Variants in PTK2B observed in about 807,000 individuals in gnomAD.
The protein encoded by PTK2B is protein tyrosine kinase 2 beta.
A neutral mutation model predicts 142.9 loss-of-function variants in PTK2B; 71 were observed. The observed-to-expected ratio is 0.50, with a 90% CI of 0.41 to 0.61. PTK2B has a LOEUF of 0.61. Among genes scored for constraint, PTK2B ranks in the 20% least tolerant of loss-of-function variants. PTK2B has a pLI of 0.00. For missense variants in PTK2B, 1,105 were observed against 1,320.4 expected (o/e 0.84, Z 2.53); for synonymous variants, 519 against 503.4 (o/e 1.03, Z -0.42).
At chr8:27,450,452 A>G (rs906496370) in intron 24 of PTK2B, among the ~76,000 whole-genome samples, 3 of 152,268 alleles carry the variant, frequency 2.0e-5, no homozygotes, top group African/African-American at 7.2e-5. Flanking sequence ...AGATAATAGT[A>G]GGGCAGTCAC....
intron 1 of PTK2B, among the ~76,000 whole-genome samples, chr8:27,374,313 T>C (rs1490823375): frequency 6.6e-6 from 1 of 152,166 alleles, no homozygotes; most frequent in African/African-American, 2.4e-5. Flanking sequence ...ACTTGGGATC[T>C]GTTTTAATCC....
intron 1 of PTK2B, among the ~76,000 whole-genome samples, chr8:27,365,587 G>T (rs1215683090): frequency 6.6e-6 from 1 of 152,202 alleles, no homozygotes; most frequent in Non-Finnish European, 1.5e-5. Flanking sequence ...CACTGAGAGA[G>T]TTCCTTTAAT....
Position 27,439,014 on chromosome 8 carries a change from T to C in PTK2B, c.1644-17T>C, listed in dbSNP as rs111696777. The C allele has an allele frequency of 3.7e-5, 60 of 1,605,012 alleles. No individual in the cohort carries two copies. The East Asian group carries it at 1.1e-3, about 30-fold the overall frequency. ...GGTGGGCAGTGCCTCATCCTGGTCTTGATGCCCTTCTTCCAGGGACATTGC... is the reference window on the plus strand; with the variant it reads ...GGTGGGCAGTGCCTCATCCTGGTCTCGATGCCCTTCTTCCAGGGACATTGC... On this transcript the variant is annotated splice_polypyrimidine_tract_variant and intron_variant, in intron 18 of 30. Coordinates refer to ENST00000346049, the MANE Select transcript of PTK2B (RefSeq NM_173176.3).
intron 1 of PTK2B, among the ~76,000 whole-genome samples, chr8:27,378,640 TG>T (rs1391753302): frequency 6.1e-5 from 7 of 114,900 alleles, no homozygotes; most frequent in African/African-American, 2.5e-4. Context: ...TGTGTGTGTG[TG>T]TGTGTGTGTA....
In PTK2B at chr8:27,372,040, T is replaced by C. The variant is rs12679275; in HGVS notation, c.-37-25508T>C. The stretch of plus-strand genomic sequence containing the variant: ...TATGTGGATTGCATAAGAAAGCATA[T>C]ATGCATTGCTTAACCCCATGCCTGA... On this transcript the variant is annotated intron_variant, in intron 1 of 30. Coordinates refer to ENST00000346049, the MANE Select transcript of PTK2B (RefSeq NM_173176.3). 1.4e-4 allele frequency among the ~76,000 whole-genome samples: 22 copies of C among 152,346 alleles called. No individual in the cohort carries two copies. In the East Asian group the frequency reaches 4.2e-3, roughly 29 times the overall value.
chr8:27,323,683 G>C (rs2130693422), upstream of PTK2B, among the ~76,000 whole-genome samples: 1 of 152,296 alleles, frequency 6.6e-6, no homozygotes, highest in East Asian at 1.9e-4. Context: ...TGTCACCTGA[G>C]TTGCTTGTAC....
At chr8:27,341,581 T>C (rs888888963) in intron 1 of PTK2B, among the ~76,000 whole-genome samples, 4 of 152,134 alleles carry the variant, frequency 2.6e-5, no homozygotes, top group African/African-American at 9.7e-5. Context: ...ATGTGTGTCA[T>C]GACCAAGGCG....
chr8:27,337,455 T>C (rs1804141552), intron 1 of PTK2B, among the ~76,000 whole-genome samples: 2 of 152,152 alleles, frequency 1.3e-5, no homozygotes, highest in African/African-American at 4.8e-5. Flanking sequence ...TGCTATCTAA[T>C]TGCAGAATAT....
rs4317530 is a variant in PTK2B at position 27,336,414 on chromosome 8, A to T, written c.-38+10733A>T. Among the ~76,000 whole-genome samples, 426 of 152,266 alleles carry T rather than the reference A, an allele frequency of 2.8e-3. 1 individual carries two copies. Among genetic ancestry groups the T allele is most frequent in the Non-Finnish European group, 4.2e-3 (289 of 68,012 alleles). On this transcript the variant is annotated intron_variant, in intron 1 of 30. Transcript: ENST00000346049. ...CTGTTGAGGAAAGAACCGTATCTGT[A>T]TGGAGAGTCACTGTTACATCCCAAG...
chr8:27,431,499 C>A, intron 9 of PTK2B, 27 bp downstream of exon 9: 1 of 1,613,022 alleles, frequency 6.2e-7, no homozygotes, highest in Non-Finnish European at 8.5e-7. Context: ...CAGCCCCACC[C>A]AGCCCCAGGC....
At chr8:27,414,473 T>C (rs993558535) in intron 2 of PTK2B, among the ~76,000 whole-genome samples, 11 of 152,074 alleles carry the variant, frequency 7.2e-5, no homozygotes, top group African/African-American at 2.7e-4. Flanking sequence ...GTCTTGATCT[T>C]CTGACCTCGT....
intron 1 of PTK2B, among the ~76,000 whole-genome samples, chr8:27,349,548 G>A (rs373956634): frequency 2.0e-4 from 31 of 152,336 alleles, no homozygotes; most frequent in African/African-American, 6.7e-4. Context: ...GGCAGGGGGT[G>A]AAGACCTCAG....
intron 1 of PTK2B, among the ~76,000 whole-genome samples, chr8:27,335,935 G>A (rs1045904821): frequency 6.6e-6 from 1 of 152,228 alleles, no homozygotes; most frequent in African/African-American, 2.4e-5. Flanking sequence ...AAGTGAGAAG[G>A]CGAGGTACCT....
chr8:27,446,110 A>G (rs1228833172), intron 24 of PTK2B, among the ~76,000 whole-genome samples, 191 bp downstream of exon 24: 1 of 152,192 alleles, frequency 6.6e-6, no homozygotes, highest in Non-Finnish European at 1.5e-5. Flanking sequence ...TGGCAGCCAC[A>G]CCAGGCCCTG....
At chr8:27,402,248 A>T (rs925592721) in intron 2 of PTK2B, among the ~76,000 whole-genome samples, 2 of 152,076 alleles carry the variant, frequency 1.3e-5, no homozygotes, top group African/African-American at 4.8e-5. Context: ...AGGAAGAGGG[A>T]GGTGTGAAGA....
intron 1 of PTK2B, among the ~76,000 whole-genome samples, chr8:27,343,862 G>GT: frequency 6.6e-6 from 1 of 152,162 alleles, no homozygotes; most frequent in South Asian, 2.1e-4. Context: ...AATTAGCCAG[G>GT]TGTGGTGGTG....
At chr8:27,383,038 AT>A (rs1402621995) in intron 1 of PTK2B, among the ~76,000 whole-genome samples, 7 of 151,892 alleles carry the variant, frequency 4.6e-5, no homozygotes, top group African/African-American at 1.5e-4. Context: ...TATTTGGGGT[AT>A]TTTTTGATTC....
chr8:27,384,623 C>T (rs1807228876), intron 1 of PTK2B, among the ~76,000 whole-genome samples: 1 of 152,136 alleles, frequency 6.6e-6, no homozygotes, highest in South Asian at 2.1e-4. Context: ...TGCTAATTAG[C>T]TTGACTATAA....
intron 1 of PTK2B, among the ~76,000 whole-genome samples, chr8:27,361,987 G>T (rs1464142449): frequency 6.6e-6 from 1 of 152,196 alleles, no homozygotes; most frequent in Non-Finnish European, 1.5e-5. Flanking sequence ...CAAAGGTGAT[G>T]CACCGATCGT....
Sources: gnomAD v4.1 joint callset for allele counts (sites outside exome capture counted in the v4.1 genomes callset) on GRCh38, gnomAD v4.1.1 for gene constraint, MANE v1.5 for transcripts, NCBI Gene and HGNC (gene_info 2026-07-23, HGNC 2026-07-21) for gene names.